SH3PXD2B: variants seen among roughly 807,000 people sequenced by gnomAD.
The protein encoded by SH3PXD2B is SH3 and PX domains 2B.
In SH3PXD2B, 37 loss-of-function variants were observed where a neutral mutation model predicts 73.1. The observed-to-expected ratio is 0.51, with a 90% CI of 0.39 to 0.67. SH3PXD2B has a LOEUF of 0.67. Ranked by LOEUF, SH3PXD2B falls within the 30% of genes least tolerant of loss-of-function variation. The pLI is 0.00. For missense variants in SH3PXD2B, 1,053 were observed against 1,197.8 expected, an observed-to-expected ratio of 0.88 and a Z score of 1.78; for synonymous variants, 457 against 480.5, an observed-to-expected ratio of 0.95 and a Z score of 0.64.
At chr5:172,374,086 G>C (rs146158708) in intron 5 of SH3PXD2B, among the ~76,000 whole-genome samples, 1 of 152,270 alleles carries the variant, frequency 6.6e-6, no homozygotes, top group Non-Finnish European at 1.5e-5. Context: ...GGAGCCGAAG[G>C]GGATTGCAGT....
At chr5:172,430,930 G>A (rs546808940) in intron 1 of SH3PXD2B, among the ~76,000 whole-genome samples, 9 of 151,856 alleles carry the variant, frequency 5.9e-5, no homozygotes, top group African/African-American at 2.2e-4. Context: ...GCAGTGGTGC[G>A]ATCTCGGCTC....
At chr5:172,433,064 T>C (rs1290892433) in intron 1 of SH3PXD2B, among the ~76,000 whole-genome samples, 2 of 152,140 alleles carry the variant, frequency 1.3e-5, no homozygotes, top group African/African-American at 4.8e-5. Context: ...TTCCGTAAGA[T>C]TATAACACAG....
At chr5:172,433,916 G>A (rs574737061) in intron 1 of SH3PXD2B, among the ~76,000 whole-genome samples, 1 of 152,280 alleles carries the variant, frequency 6.6e-6, no homozygotes, top group South Asian at 2.1e-4. Context: ...TCCTCGCGGG[G>A]TCTAACTCCA....
chr5:172,408,775 C>T (rs1205320547), intron 2 of SH3PXD2B, among the ~76,000 whole-genome samples: 4 of 151,918 alleles, frequency 2.6e-5, no homozygotes, highest in Non-Finnish European at 4.4e-5. Context: ...CTGCCTGCCT[C>T]GGCCTCTCAA....
chr5:172,339,433 C>T lies in SH3PXD2B; in HGVS notation c.1672G>A (p.Gly558Ser), dbSNP rs536952235. Residue 558 changes from glycine to serine, a missense_variant, in exon 13 of 13, where the codon GGC becomes AGC. By Grantham distance (56) the Gly-to-Ser change is moderately conservative. This residue lies in a region of SH3PXD2B where 587 missense variants were observed against 590.7 expected (regional missense o/e 0.99). Transcript: ENST00000311601. This position sits in a 1 kb window ranked among gnomAD's most constrained non-coding sequence, Gnocchi z 6.1. ...QLRGPTPKPPGVILPMMPAKH... is the reference protein window; with the variant it reads ...QLRGPTPKPPSVILPMMPAKH... The stretch of plus-strand genomic sequence containing the variant: ...GCTGGCATCATCGGCAAAATCACGC[C>T]CGGAGGCTTGGGAGTGGGGCCCCGG... 619 of 1,614,138 alleles carry T rather than the reference C, an allele frequency of 3.8e-4. 9 individuals are homozygous for T. In the South Asian group the frequency reaches 6.5e-3, roughly 17 times the overall value.
rs77955907 is a variant in SH3PXD2B at position 172,350,491 on chromosome 5, G to A, written c.884C>T (p.Pro295Leu). 1.5e-5 allele frequency: 24 copies of A among 1,614,022 alleles called. No homozygotes were observed. The highest frequency in any genetic ancestry group is 1.6e-4 in the Middle Eastern group (1 of 6,070). ...PKPGPGSPSH[P>L]GALDLDGVSR... The stretch of plus-strand genomic sequence containing the variant: ...AACACCATCCAAGTCAAGGGCACCC[G>A]GGTGGGAGGGTGAGCCAGGGCCTGG... The change falls in exon 10 of 13, where the codon CCG becomes CTG. Residue 295 changes from proline to leucine, a missense_variant. Pro to Leu is a moderately conservative substitution (Grantham distance 98). Coordinates refer to ENST00000311601, the MANE Select transcript of SH3PXD2B (RefSeq NM_001017995.3).
chr5:172,404,670 A>G (rs950312891), intron 3 of SH3PXD2B, among the ~76,000 whole-genome samples: 3 of 152,356 alleles, frequency 2.0e-5, no homozygotes, highest in South Asian at 2.1e-4. Context: ...GATTTTCAGT[A>G]CATAAAAATC....
intron 4 of SH3PXD2B, among the ~76,000 whole-genome samples, chr5:172,390,542 G>A (rs1207011811): frequency 1.3e-5 from 2 of 152,162 alleles, no homozygotes; most frequent in Non-Finnish European, 2.9e-5. Context: ...AGCCACTGTG[G>A]CACGCTCCCA....
chr5:172,331,722 C>T (rs1006468157), downstream of SH3PXD2B, among the ~76,000 whole-genome samples: 2 of 152,092 alleles, frequency 1.3e-5, no homozygotes, highest in African/African-American at 2.4e-5. Context: ...GAGGCCAAGG[C>T]GGGCGGATCA....
At chr5:172,333,396 C>T, downstream of SH3PXD2B, 1 of 682,842 alleles carries the variant, frequency 1.5e-6, no homozygotes, top group Non-Finnish European at 1.9e-6. Context: ...CCACAGTTCC[C>T]AAACATAGCT....
At chr5:172,404,818 G>C (rs1758515552) in intron 3 of SH3PXD2B, among the ~76,000 whole-genome samples, 2 of 152,174 alleles carry the variant, frequency 1.3e-5, no homozygotes, top group South Asian at 4.1e-4. Flanking sequence ...GAGTTGGTGA[G>C]GGGGGCATGC....
chr5:172,325,628 T>G (rs915565602), intron 12 of SH3PXD2B, among the ~76,000 whole-genome samples: 1 of 152,164 alleles, frequency 6.6e-6, no homozygotes, highest in Non-Finnish European at 1.5e-5. Flanking sequence ...TGGGGGATGA[T>G]CGCTGTGTCC....
chr5:172,362,727 G>C lies in SH3PXD2B; in HGVS notation c.562+8C>G. On this transcript the variant is annotated splice_region_variant and intron_variant, in intron 7 of 12. Transcript: ENST00000311601. ...GTAGTGGGAGAGGGAGATGGTCTAG[G>C]TCCCCACCTGACTCATTCTTCTCGA... is the stretch of plus-strand genomic sequence containing the variant. The C allele has an allele frequency of 6.2e-7, 1 of 1,613,978 alleles. No individual in the cohort carries two copies. The highest frequency in any genetic ancestry group is 8.5e-7 in the Non-Finnish European group (1 of 1,180,004).
At chr5:172,434,165 C>G (rs953234) in intron 1 of SH3PXD2B, among the ~76,000 whole-genome samples, 1 of 151,908 alleles carries the variant, frequency 6.6e-6, no homozygotes, top group East Asian at 1.9e-4. Context: ...TTTGAGGGGA[C>G]GGATACCCCA....
Position 172,334,765 on chromosome 5 carries a change from T to G in SH3PXD2B, c.*3604A>C. The G allele has an allele frequency of 2.0e-6, 2 of 985,458 alleles. No homozygotes were observed. The highest frequency in any genetic ancestry group is 2.4e-6 in the Non-Finnish European group (2 of 829,942). The allele number at this position is 985,458 out of a possible 1,614,324, so 61.0% of individuals were successfully genotyped here. On this transcript the variant is annotated 3_prime_UTR_variant, in exon 13 of 13. Transcript: ENST00000311601. ...GGGAGAGGCGAAATAAATACCAGAC[T>G]GTCCACTCCTCAGCCTAAGGTCCTT... is the stretch of plus-strand genomic sequence containing the variant.
intron 1 of SH3PXD2B, among the ~76,000 whole-genome samples, chr5:172,450,789 G>A (rs1362718591): frequency 1.3e-5 from 2 of 152,070 alleles, no homozygotes; most frequent in Non-Finnish European, 2.9e-5. Context: ...GCTAGCTGGG[G>A]AGGGTCTCCC....
intron 8 of SH3PXD2B, among the ~76,000 whole-genome samples, chr5:172,355,539 TTTTC>T (rs1326797170): frequency 7.4e-6 from 1 of 135,764 alleles, no homozygotes; most frequent in Non-Finnish European, 1.7e-5. Context: ...CATGGATGGA[TTTTC>T]TTTTCTTTTT....
chr5:172,329,077 A>ATTTT (rs1386202364), downstream of SH3PXD2B, among the ~76,000 whole-genome samples: 13 of 63,558 alleles, frequency 2.0e-4, no homozygotes, highest in South Asian at 3.3e-3. Context: ...ATATATATAT[A>ATTTT]TATATATTTT....
Position 172,382,134 on chromosome 5 carries a change from AAG to A in SH3PXD2B, c.310-9_310-8del, listed in dbSNP as rs1757962697. On this transcript the variant is annotated splice_region_variant and splice_polypyrimidine_tract_variant and intron_variant, in intron 4 of 12. Coordinates refer to ENST00000311601, the MANE Select transcript of SH3PXD2B (RefSeq NM_001017995.3). ...GGGGCAGCTGGATGAGGGCCTGGAG[AAG>A]AGAGACGCAGGTGAGTGCAAAGGAG... 1 of 1,600,784 alleles carries A rather than the reference AAG, an allele frequency of 6.2e-7. No homozygotes were observed. The highest frequency in any genetic ancestry group is 8.5e-7 in the Non-Finnish European group (1 of 1,174,040).
Sources: allele counts gnomAD v4.1 joint callset (sites outside exome capture counted in the v4.1 genomes callset), GRCh38; gene constraint gnomAD v4.1.1; regional missense constraint gnomAD v4.1.1; non-coding constraint Gnocchi (gnomAD v3.1); transcripts MANE v1.5; gene names NCBI Gene and HGNC (gene_info 2026-07-23, HGNC 2026-07-21).